The following SCAF8 variants were observed in gnomAD, a reference collection of about 807,000 sequenced individuals.
The protein encoded by SCAF8 is SR-related CTD associated factor 8.
A neutral mutation model predicts 140.5 loss-of-function variants in SCAF8; 23 were observed. The ratio of observed to expected loss-of-function variants is 0.16; its 90% CI spans 0.12 to 0.23. The LOEUF is 0.23. Among genes scored for constraint, SCAF8 ranks in the 10% least tolerant of loss-of-function variants. The probability of loss-of-function intolerance (pLI) is 1.00; values close to 1 mark genes in which losing one functional copy is unlikely to be tolerated. For missense variants in SCAF8, 1,397 were observed against 1,555.7 expected (o/e 0.90, Z 1.72); for synonymous variants, 575 against 528.9 (o/e 1.09, Z -1.20).
At chr6:154,778,391 C>T (rs1189399447) in intron 3 of SCAF8, among the ~76,000 whole-genome samples, 2 of 152,258 alleles carry the variant, frequency 1.3e-5, no homozygotes, top group African/African-American at 2.4e-5. Flanking sequence ...GGCTAGGTAA[C>T]TTTGAATAAG....
chr6:154,773,963 A>T, intron 1 of SCAF8, 26 bp from the exon 2 acceptor site: 2 of 1,460,738 alleles, frequency 1.4e-6, no homozygotes, highest in Non-Finnish European at 1.9e-6. Context: ...GTTTTGCTGT[A>T]TGTAAATTTG....
intron 17 of SCAF8, among the ~76,000 whole-genome samples, chr6:154,825,820 C>A (rs1778550838): frequency 6.6e-6 from 1 of 151,932 alleles, no homozygotes; most frequent in Non-Finnish European, 1.5e-5. Context: ...AGCCTAAAAG[C>A]CCCATCTTAA....
chr6:154,794,487 AAGAG>A (rs554807194), intron 5 of SCAF8, among the ~76,000 whole-genome samples: 92 of 152,238 alleles, frequency 6.0e-4, no homozygotes, highest in Non-Finnish European at 9.6e-4. Flanking sequence ...GATAGGGAAA[AAGAG>A]AGAGAGACCA....
At chr6:154,747,529 C>T (rs1390070212) in intron 1 of SCAF8, among the ~76,000 whole-genome samples, 1 of 151,892 alleles carries the variant, frequency 6.6e-6, no homozygotes, top group African/African-American at 2.4e-5. Context: ...ACAAAAAAAC[C>T]CATATACGTA....
At chr6:154,826,747 CA>C (rs1778576732) in intron 17 of SCAF8, among the ~76,000 whole-genome samples, 1 of 151,926 alleles carries the variant, frequency 6.6e-6, no homozygotes, top group South Asian at 2.1e-4. Flanking sequence ...ATTAAAAAGC[CA>C]ATATTAAATT....
chr6:154,773,895 G>T, intron 1 of SCAF8, 94 bp from the exon 2 acceptor site: 3 of 821,912 alleles, frequency 3.7e-6, no homozygotes, highest in Non-Finnish European at 6.1e-6. Context: ...CAGTATGTTG[G>T]TTTCATTGAG....
chr6:154,786,670 C>T (rs966546661), intron 3 of SCAF8, among the ~76,000 whole-genome samples: 1 of 152,210 alleles, frequency 6.6e-6, no homozygotes, highest in Non-Finnish European at 1.5e-5. Flanking sequence ...TAGGTCTGCT[C>T]GCTTTCACTG....
chr6:154,748,633 A>C (rs1217118627), intron 1 of SCAF8, among the ~76,000 whole-genome samples: 1 of 152,162 alleles, frequency 6.6e-6, no homozygotes, highest in Non-Finnish European at 1.5e-5. Flanking sequence ...ATAAGGTTTA[A>C]TTTTTATAGC....
Position 154,733,454 on chromosome 6 carries a change from C to T in SCAF8, c.-447C>T, listed in dbSNP as rs1308262796. ...CAGCCGCTGCTGCCAGCGCTTCCTCCTCTGTCTTCGCCGAGCGGGGCTGGT... is the reference window on the plus strand; with the variant it reads ...CAGCCGCTGCTGCCAGCGCTTCCTCTTCTGTCTTCGCCGAGCGGGGCTGGT... On this transcript the variant is annotated 5_prime_UTR_variant, in exon 1 of 20. Coordinates refer to ENST00000367178, the MANE Select transcript of SCAF8 (RefSeq NM_014892.5). 1.1e-5 allele frequency: 15 copies of T among 1,384,964 alleles called. No individual in the cohort carries two copies. Among genetic ancestry groups the T allele is most frequent in the Middle Eastern group, 2.0e-4 (1 of 4,990 alleles). The allele number at this position is 1,384,964 out of a possible 1,614,324, so 85.8% of individuals were successfully genotyped here.
intron 17 of SCAF8, chr6:154,824,785 A>T (rs541876914): frequency 4.5e-5 from 7 of 154,798 alleles, no homozygotes; most frequent in African/African-American, 1.7e-4. Flanking sequence ...TGTACTAAAA[A>T]TACAAAAATT....
chr6:154,760,300 GATAAA>G (rs1054682784), intron 1 of SCAF8, among the ~76,000 whole-genome samples: 1 of 152,018 alleles, frequency 6.6e-6, no homozygotes, highest in Non-Finnish European at 1.5e-5. Context: ...TCTCTAAATA[GATAAA>G]ATAAAATTCT....
rs750337401 is a variant in SCAF8, at chr6:154,757,909, CT to C, written c.31-16061del. Among the ~76,000 whole-genome samples the C allele has an allele frequency of 1.9e-3, 252 of 132,632 alleles. 1 individual carries two copies. The highest frequency in any genetic ancestry group is 3.3e-3 in the African/African-American group (122 of 36,528). 87.0% of individuals were successfully genotyped at this position (132,632 alleles called of 152,430 possible). On this transcript the variant is annotated intron_variant, in intron 1 of 19. Transcript: ENST00000367178. The stretch of plus-strand genomic sequence containing the variant: ...CCTGGGGTATGTGAAGTAAGTTTCA[CT>C]TTTTTTTTTTTTTTTTTTGAGTTGG...
Position 154,801,913 on chromosome 6 carries a change from C to T in SCAF8, c.607-58C>T, listed in dbSNP as rs1247447289. 8 of 1,218,468 alleles carry T rather than the reference C, an allele frequency of 6.6e-6. 1 individual carries two copies. In the South Asian group the frequency reaches 8.2e-5, roughly 12 times the overall value. 75.5% of individuals were successfully genotyped at this position (1,218,468 alleles called of 1,614,324 possible). ...TTTACTGACTAAAAGTTTTAGGTGG[C>T]CACTCTTACAGAAAAAACCCAACAC... On this transcript the variant is annotated intron_variant, in intron 6 of 19. Coordinates refer to ENST00000367178, the MANE Select transcript of SCAF8 (RefSeq NM_014892.5).
At chr6:154,741,966 C>G in intron 1 of SCAF8, 1 of 1,532,658 alleles carries the variant, frequency 6.5e-7, no homozygotes, top group Non-Finnish European at 8.7e-7. Flanking sequence ...GATTGTGCCT[C>G]TACTCCTGCT....
intron 6 of SCAF8, among the ~76,000 whole-genome samples, chr6:154,797,798 A>G (rs929387958): frequency 2.6e-5 from 4 of 151,542 alleles, no homozygotes; most frequent in Admixed American, 6.6e-5. Context: ...GTTATTCTCA[A>G]TGTAACCTGT....
intron 1 of SCAF8, among the ~76,000 whole-genome samples, chr6:154,757,193 C>T (rs1443325068): frequency 1.3e-5 from 2 of 152,136 alleles, no homozygotes; most frequent in East Asian, 3.9e-4. Flanking sequence ...TGGGGTTTTG[C>T]CATGTTTGCC....
Position 154,810,192 on chromosome 6 carries a change from A to T in SCAF8, c.1404A>T (p.Arg468Ser). 6.2e-7 allele frequency: 1 copy of T among 1,605,072 alleles called. No homozygotes were observed. Among genetic ancestry groups the T allele is most frequent in the Non-Finnish European group, 8.5e-7 (1 of 1,175,476 alleles). ...ERQKKGLPPI[R>S]SKTLSVCSTT... ...AGAAAAAGGGATTACCTCCAATTAG[A>T]TCTAAAACACTAAGTGGTAAGTAAC... Residue 468 changes from arginine (R) to serine (S), a missense_variant, in exon 12 of 20, where the codon AGA becomes AGT. By Grantham distance (110) the Arg-to-Ser change is moderately radical (BLOSUM62 -1). This residue lies in a region of SCAF8 where 339 missense variants were observed against 407.5 expected (regional missense o/e 0.83). Transcript: ENST00000367178.
chr6:154,746,468 A>G (rs1778701829), intron 1 of SCAF8, among the ~76,000 whole-genome samples: 1 of 152,158 alleles, frequency 6.6e-6, no homozygotes, highest in Non-Finnish European at 1.5e-5. Flanking sequence ...CTAAAAAGCC[A>G]TGAATTCATC....
intron 6 of SCAF8, among the ~76,000 whole-genome samples, chr6:154,796,079 T>C (rs1346172606): frequency 6.6e-6 from 1 of 152,196 alleles, no homozygotes; most frequent in Non-Finnish European, 1.5e-5. Context: ...TATAGTTTTC[T>C]TAATGTATTG....
Sources: allele counts gnomAD v4.1 joint callset (sites outside exome capture counted in the v4.1 genomes callset), GRCh38; gene constraint gnomAD v4.1.1; regional missense constraint gnomAD v4.1.1; transcripts MANE v1.5; gene names NCBI Gene and HGNC (gene_info 2026-07-23, HGNC 2026-07-21).